ARHGAP28: variants seen among roughly 807,000 people sequenced by gnomAD.
The protein encoded by ARHGAP28 is rho GTPase-activating protein 28.
ARHGAP28 carries 56 observed loss-of-function variants against 90.7 expected under a neutral mutation model. The observed-to-expected ratio is 0.62, with a 90% CI of 0.50 to 0.77. The LOEUF is 0.77. Among genes scored for constraint, ARHGAP28 ranks in the 30% least tolerant of loss-of-function variants. The probability of loss-of-function intolerance (pLI) is 0.00; values close to 1 mark genes in which losing one functional copy is unlikely to be tolerated. For synonymous variants in ARHGAP28, 308 were observed against 323.3 expected (o/e 0.95, Z 0.51); for missense variants, 869 against 900.9 (o/e 0.96, Z 0.45).
chr18:6,841,702 G>C (rs548674409), intron 3 of ARHGAP28, among the ~76,000 whole-genome samples: 1 of 152,134 alleles, frequency 6.6e-6, no homozygotes, highest in South Asian at 2.1e-4. Flanking sequence ...GAAGTACAAT[G>C]TCTGCATCAA....
intron 10 of ARHGAP28, among the ~76,000 whole-genome samples, chr18:6,881,373 A>T (rs1260773083): frequency 6.6e-6 from 1 of 152,234 alleles, no homozygotes; most frequent in African/African-American, 2.4e-5. Flanking sequence ...TGCTGGCATT[A>T]TAGGTAAACC....
Position 6,821,328 on chromosome 18 carries a change from CT to C in ARHGAP28, c.123-3432del, listed in dbSNP as rs1215748884. Among the ~76,000 whole-genome samples, 7 of 152,052 alleles carry C rather than the reference CT, an allele frequency of 4.6e-5. No individual in the cohort carries two copies. The East Asian group carries it at 1.3e-3, about 29-fold the overall frequency. ...GTACACTTGAAATTTAATTTTAAAC[CT>C]TGTGGTGTTTTTCCAACAAAAGTTT... is the stretch of plus-strand genomic sequence containing the variant. On this transcript the variant is annotated intron_variant, in intron 1 of 17. Coordinates refer to ENST00000383472, the MANE Select transcript of ARHGAP28 (RefSeq NM_001366230.1).
At chr18:6,793,811 A>G (rs1028090878) in intron 1 of ARHGAP28, among the ~76,000 whole-genome samples, 8 of 151,958 alleles carry the variant, frequency 5.3e-5, no homozygotes, top group African/African-American at 1.7e-4. Flanking sequence ...ATGATTTACA[A>G]TGTAAATAGA....
intron 1 of ARHGAP28, among the ~76,000 whole-genome samples, chr18:6,811,953 G>T (rs963187542): frequency 6.6e-6 from 1 of 152,052 alleles, no homozygotes; most frequent in African/African-American, 2.4e-5. Context: ...CATTTTTCGA[G>T]AAGAATTCTA....
chr18:6,842,900 C>T (rs530480271), intron 3 of ARHGAP28, among the ~76,000 whole-genome samples: 1 of 152,096 alleles, frequency 6.6e-6, no homozygotes, highest in East Asian at 1.9e-4. Flanking sequence ...TAAAAAATAA[C>T]ATTTGACATG....
chr18:6,753,797 C>T (rs4334377), intron 1 of ARHGAP28, among the ~76,000 whole-genome samples: 8,695 of 152,216 alleles, frequency 0.057, 316 homozygotes, highest in East Asian at 0.11. Context: ...CTTTACCCCT[C>T]GCATACCAAT....
rs1020693767 is a variant in ARHGAP28 at position 6,910,210 on chromosome 18, A to G, written c.2095+1186A>G. Among the ~76,000 whole-genome samples the G allele has an allele frequency of 2.0e-5, 3 of 152,168 alleles. No individual in the cohort carries two copies. The East Asian group carries it at 5.8e-4, about 29-fold the overall frequency. On this transcript the variant is annotated intron_variant, in intron 17 of 17. Coordinates refer to ENST00000383472, the MANE Select transcript of ARHGAP28 (RefSeq NM_001366230.1). ...ACACTTTCTTCACCTGACTTCAAGGATGCCCTAAGCTTCTGACTGTCTTCC... is the reference window on the plus strand; with the variant it reads ...ACACTTTCTTCACCTGACTTCAAGGGTGCCCTAAGCTTCTGACTGTCTTCC...
intron 5 of ARHGAP28, among the ~76,000 whole-genome samples, chr18:6,861,184 G>A (rs943492448): frequency 7.2e-5 from 11 of 152,158 alleles, no homozygotes; most frequent in African/African-American, 2.4e-4. Context: ...ACAGCTTGTG[G>A]CACCCATGTG....
chr18:6,867,067 C>G (rs1436237721), intron 5 of ARHGAP28, among the ~76,000 whole-genome samples: 1 of 152,092 alleles, frequency 6.6e-6, no homozygotes, highest in Non-Finnish European at 1.5e-5. Context: ...GACCCTAGAC[C>G]TTTTTTCGGT....
At chr18:6,867,655 A>G (rs949799315) in intron 5 of ARHGAP28, among the ~76,000 whole-genome samples, 7 of 152,218 alleles carry the variant, frequency 4.6e-5, no homozygotes, top group African/African-American at 1.7e-4. Context: ...ATATTTTGTT[A>G]GTTACTATCA....
At chr18:6,814,856 A>G (rs1426832155) in intron 1 of ARHGAP28, among the ~76,000 whole-genome samples, 1 of 152,222 alleles carries the variant, frequency 6.6e-6, no homozygotes, top group African/African-American at 2.4e-5. Flanking sequence ...CACAAAACCT[A>G]GAGTTCACCA....
chr18:6,863,152 T>C (rs1201624084), intron 5 of ARHGAP28, among the ~76,000 whole-genome samples: 2 of 152,090 alleles, frequency 1.3e-5, no homozygotes, highest in South Asian at 2.1e-4. Context: ...CCACAATCAC[T>C]TATAACATTG....
At chr18:6,837,585 T>C (rs2056764205) in intron 3 of ARHGAP28, among the ~76,000 whole-genome samples, 171 bp downstream of exon 3, 1 of 152,164 alleles carries the variant, frequency 6.6e-6, no homozygotes, top group Non-Finnish European at 1.5e-5. Context: ...AGTTTGAACT[T>C]AAGTGATCAT....
chr18:6,854,187 TTCTC>T (rs919186097), intron 4 of ARHGAP28, among the ~76,000 whole-genome samples: 3 of 151,480 alleles, frequency 2.0e-5, no homozygotes, highest in African/African-American at 7.3e-5. Context: ...ATAGTAGAAT[TTCTC>T]TCTCTCTCTC....
At chr18:6,752,482 G>T (rs752203749) in intron 1 of ARHGAP28, among the ~76,000 whole-genome samples, 1 of 152,092 alleles carries the variant, frequency 6.6e-6, no homozygotes, top group African/African-American at 2.4e-5. Flanking sequence ...GCTTTTTCTT[G>T]GTTCTCTTTC....
intron 6 of ARHGAP28, 108 bp from the exon 7 acceptor site, chr18:6,870,482 A>G: frequency 2.2e-5 from 25 of 1,153,978 alleles, no homozygotes; most frequent in Non-Finnish European, 3.0e-5. Context: ...AAACACTGTA[A>G]CGTGCTTGTG....
chr18:6,911,802 T>C (rs1333312688), intron 17 of ARHGAP28, among the ~76,000 whole-genome samples: 1 of 152,080 alleles, frequency 6.6e-6, no homozygotes, highest in Admixed American at 6.5e-5. Flanking sequence ...GTATGTCTGC[T>C]TTCTTCCAAA....
intron 2 of ARHGAP28, among the ~76,000 whole-genome samples, chr18:6,829,582 T>C (rs2056699788): frequency 1.3e-5 from 2 of 152,222 alleles, no homozygotes; most frequent in African/African-American, 4.8e-5. Context: ...GCATGCACTC[T>C]TATAATCTCA....
intron 2 of ARHGAP28, among the ~76,000 whole-genome samples, chr18:6,834,752 G>A (rs902953567): frequency 6.6e-5 from 10 of 152,134 alleles, no homozygotes; most frequent in Admixed American, 6.5e-4. Context: ...TAGTAATAAC[G>A]AGGCAATATG....
Sources: gnomAD v4.1 joint callset for allele counts (sites outside exome capture counted in the v4.1 genomes callset) on GRCh38, gnomAD v4.1.1 for gene constraint, MANE v1.5 for transcripts, NCBI Gene and HGNC (gene_info 2026-07-23, HGNC 2026-07-21) for gene names.